LSAMP: variants seen among roughly 807,000 people sequenced by gnomAD.
LSAMP encodes limbic system-associated membrane protein.
A neutral mutation model predicts 38.6 loss-of-function variants in LSAMP; 7 were observed. The observed-to-expected ratio is 0.18, with a 90% CI of 0.10 to 0.34. The LOEUF is 0.34. LSAMP is among the 10% of genes least tolerant of loss of function. The pLI is 1.00. For synonymous variants in LSAMP, 154 were observed against 166.8 expected (o/e 0.92, Z 0.59); for missense variants, 313 against 420.0 (o/e 0.75, Z 2.23).
chr3:116,403,964 A>G (rs1442220783), intron 1 of LSAMP, among the ~76,000 whole-genome samples: 2 of 151,402 alleles, frequency 1.3e-5, no homozygotes, highest in Non-Finnish European at 1.5e-5. Context: ...GAGTCTCCCT[A>G]TATTGCCCAG....
intron 1 of LSAMP, among the ~76,000 whole-genome samples, chr3:116,207,031 G>C (rs1241070528): frequency 2.6e-5 from 4 of 151,446 alleles, no homozygotes; most frequent in African/African-American, 9.7e-5. Context: ...ATTAATGTGT[G>C]GGAGTCTAAG....
intron 1 of LSAMP, among the ~76,000 whole-genome samples, chr3:116,194,415 G>A (rs1710829522): frequency 6.6e-6 from 1 of 151,404 alleles, no homozygotes; most frequent in South Asian, 2.1e-4. Context: ...GTTTGTTTGA[G>A]TCAGAGTCTC....
At chr3:116,151,686 C>T (rs1013901799) in intron 1 of LSAMP, among the ~76,000 whole-genome samples, 1 of 151,928 alleles carries the variant, frequency 6.6e-6, no homozygotes, top group Non-Finnish European at 1.5e-5. Context: ...CTTGGCATGT[C>T]GCTGGACTTG....
chr3:116,128,748 T>TAGAGA (rs3071060), intron 1 of LSAMP, among the ~76,000 whole-genome samples: 151,948 of 152,318 alleles, frequency 1, 75,790 homozygotes, highest in Non-Finnish European at 1. Flanking sequence ...TAAGCAAACT[T>TAGAGA]AAAGACCCAA....
At chr3:116,157,667 T>C (rs1379687386) in intron 1 of LSAMP, among the ~76,000 whole-genome samples, 1 of 151,880 alleles carries the variant, frequency 6.6e-6, no homozygotes, top group Non-Finnish European at 1.5e-5. Flanking sequence ...AAAAATTAAA[T>C]CCCTAAACTT....
intron 1 of LSAMP, among the ~76,000 whole-genome samples, chr3:116,123,279 C>T (rs962392877): frequency 6.6e-6 from 1 of 152,134 alleles, no homozygotes; most frequent in African/African-American, 2.4e-5. Context: ...GGCCAAAGGC[C>T]ACCAGAGGAG....
At chr3:115,975,300 A>G (rs1008128320) in intron 3 of LSAMP, among the ~76,000 whole-genome samples, 1 of 152,192 alleles carries the variant, frequency 6.6e-6, no homozygotes, top group Non-Finnish European at 1.5e-5. Context: ...ACAAAAAAAC[A>G]AAACATGAGA....
At chr3:116,275,357 C>T (rs563610016) in intron 1 of LSAMP, among the ~76,000 whole-genome samples, 11 of 152,094 alleles carry the variant, frequency 7.2e-5, no homozygotes, top group African/African-American at 1.9e-4. Context: ...CCTGCCCCAC[C>T]GCCCACATTT....
chr3:116,073,802 G>T (rs767177433), intron 2 of LSAMP, among the ~76,000 whole-genome samples: 4 of 152,124 alleles, frequency 2.6e-5, no homozygotes, highest in Non-Finnish European at 5.9e-5. Flanking sequence ...AAACATGATA[G>T]TTAATGTATG....
chr3:116,150,066 G>C (rs1709577658), intron 1 of LSAMP, among the ~76,000 whole-genome samples: 1 of 152,034 alleles, frequency 6.6e-6, no homozygotes, highest in Non-Finnish European at 1.5e-5. Context: ...AATGTACAAA[G>C]CTGATTCAAA....
intron 1 of LSAMP, among the ~76,000 whole-genome samples, chr3:116,153,696 T>A (rs1709675562): frequency 6.6e-6 from 1 of 151,912 alleles, no homozygotes; most frequent in African/African-American, 2.4e-5. Flanking sequence ...AATTCAATCT[T>A]GTAAAAAAAA....
rs564499501 is a variant in LSAMP, at chr3:116,281,852, C to A, written c.155+163025G>T. ...ACGTTGTCTATGACATATTTTAGTA[C>A]TAACCAACAAATGTTAGTTACACTG... On this transcript the variant is annotated intron_variant, in intron 1 of 6. Coordinates refer to ENST00000490035, the MANE Select transcript of LSAMP (RefSeq NM_002338.5). Among the ~76,000 whole-genome samples, 4 of 152,250 alleles carry A rather than the reference C, an allele frequency of 2.6e-5. No individual in the cohort carries two copies. In the South Asian group the frequency reaches 8.3e-4, roughly 32 times the overall value.
At chr3:115,860,459 A>G (rs76616978) in intron 3 of LSAMP, among the ~76,000 whole-genome samples, 1,691 of 152,316 alleles carry the variant, frequency 0.011, 32 homozygotes, top group African/African-American at 0.039. Context: ...TCAAGTATAG[A>G]GTGGGAGATT....
intron 2 of LSAMP, among the ~76,000 whole-genome samples, chr3:116,019,969 T>G (rs1016681032): frequency 2.6e-5 from 4 of 152,154 alleles, no homozygotes; most frequent in Non-Finnish European, 1.5e-5. Context: ...TTTATGTAAA[T>G]TAATATTATC....
chr3:116,082,215 C>T (rs963972200), intron 2 of LSAMP, among the ~76,000 whole-genome samples: 1 of 152,078 alleles, frequency 6.6e-6, no homozygotes, highest in Non-Finnish European at 1.5e-5. Flanking sequence ...TTTGATGAGT[C>T]TACAGATATT....
intron 3 of LSAMP, among the ~76,000 whole-genome samples, chr3:115,973,968 C>A (rs1334031741): frequency 2.2e-4 from 34 of 152,058 alleles, no homozygotes; most frequent in Admixed American, 2.2e-3. Context: ...TGTAAAATAA[C>A]AATGAGGTCT....
intron 3 of LSAMP, among the ~76,000 whole-genome samples, chr3:115,918,552 C>T (rs1005724518): frequency 1.3e-5 from 2 of 152,154 alleles, no homozygotes; most frequent in Admixed American, 6.5e-5. Context: ...TGATGGAAAG[C>T]ACAGGAACCA....
At chr3:116,057,300 T>C (rs1941507123) in intron 2 of LSAMP, among the ~76,000 whole-genome samples, 1 of 152,204 alleles carries the variant, frequency 6.6e-6, no homozygotes, top group African/African-American at 2.4e-5. Context: ...TAAAATCCTA[T>C]TTTGGCATTT....
Position 116,391,389 on chromosome 3 carries a change from C to G in LSAMP, c.155+53488G>C, listed in dbSNP as rs529065562. On this transcript the variant is annotated intron_variant, in intron 1 of 6. Coordinates refer to ENST00000490035, the MANE Select transcript of LSAMP (RefSeq NM_002338.5). ...CCCACTCGCAGGCCAGGAACCTCTG[C>G]TGCTCCAGACCCTGGCCCTGCATCG... is the stretch of plus-strand genomic sequence containing the variant. Among the ~76,000 whole-genome samples the G allele has an allele frequency of 6.2e-3, 937 of 152,298 alleles. 9 individuals are homozygous for G. Among genetic ancestry groups the G allele is most frequent in the African/African-American group, 0.021 (889 of 41,574 alleles).
Sources: allele counts gnomAD v4.1 joint callset (sites outside exome capture counted in the v4.1 genomes callset), GRCh38; gene constraint gnomAD v4.1.1; transcripts MANE v1.5; gene names NCBI Gene and HGNC (gene_info 2026-07-23, HGNC 2026-07-21).